The following MACF1 variants were observed in gnomAD, a reference collection of about 807,000 sequenced individuals.
The protein encoded by MACF1 is microtubule actin crosslinking factor 1.
MACF1 carries 193 observed loss-of-function variants against 854.8 expected under a neutral mutation model. The observed-to-expected ratio is 0.23, with a 90% CI of 0.20 to 0.25. MACF1 has a LOEUF of 0.25. MACF1 is among the 10% of genes least tolerant of loss of function. The probability of loss-of-function intolerance (pLI) is 1.00; values close to 1 mark genes in which losing one functional copy is unlikely to be tolerated. For synonymous variants in MACF1, 3,185 were observed against 3,226.7 expected, an observed-to-expected ratio of 0.99 and a Z score of 0.44; for missense variants, 7,722 against 8,929.1, an observed-to-expected ratio of 0.86 and a Z score of 5.45.
chr1:39,255,248 G>C (rs1476320203), intron 5 of MACF1, among the ~76,000 whole-genome samples: 1 of 152,152 alleles, frequency 6.6e-6, no homozygotes, highest in Non-Finnish European at 1.5e-5. Flanking sequence ...TCCAGGGATT[G>C]ATGGATGAGA....
Position 39,358,761 on chromosome 1 carries a change from C to T in MACF1, c.12008C>T (p.Ala4003Val). The change falls in exon 46 of 101, where the codon GCT becomes GTT. Residue 4003 changes from alanine (A) to valine (V), a missense_variant. By Grantham distance (64) the Ala-to-Val change is moderately conservative. This residue lies in a region of MACF1 where 2,807 missense variants were observed against 3,235.8 expected (regional missense o/e 0.87). Coordinates refer to ENST00000564288, the MANE Select transcript of MACF1 (RefSeq NM_001394062.1). ...LGQYHQFQNS[A>V]DSLQAWMQAC... The stretch of plus-strand genomic sequence containing the variant: ...CAGTATCATCAATTCCAAAACAGTG[C>T]TGACAGCCTGCAGGCCTGGATGCAG... 6.2e-7 allele frequency: 1 copy of T among 1,614,074 alleles called. No homozygotes were observed. The highest frequency in any genetic ancestry group is 8.5e-7 in the Non-Finnish European group (1 of 1,179,998).
chr1:39,400,244 T>C (rs763954710), intron 58 of MACF1, among the ~76,000 whole-genome samples: 3 of 152,268 alleles, frequency 2.0e-5, no homozygotes, highest in African/African-American at 4.8e-5. Context: ...ATCCTGGCTC[T>C]ATCATTTACT....
chr1:39,430,510 A>G (rs1047207049), intron 65 of MACF1, among the ~76,000 whole-genome samples, 192 bp from the exon 66 acceptor site: 24 of 152,138 alleles, frequency 1.6e-4, no homozygotes, highest in African/African-American at 5.6e-4. Flanking sequence ...AGGCAGTTCT[A>G]AGCAAGCAAC....
chr1:39,390,402 C>G (rs1164726258), intron 58 of MACF1, among the ~76,000 whole-genome samples: 1 of 152,200 alleles, frequency 6.6e-6, no homozygotes, highest in Non-Finnish European at 1.5e-5. Flanking sequence ...GTGGCTGTTT[C>G]AGAAGGGCCC....
intron 2 of MACF1, among the ~76,000 whole-genome samples, chr1:39,177,793 A>G (rs1232548751): frequency 1.3e-5 from 2 of 152,070 alleles, no homozygotes; most frequent in Non-Finnish European, 2.9e-5. Context: ...TGGGAAAGCC[A>G]TTGCTTTCTG....
intron 23 of MACF1, among the ~76,000 whole-genome samples, chr1:39,308,883 C>A (rs757685435): frequency 1.3e-5 from 2 of 151,820 alleles, no homozygotes; most frequent in Non-Finnish European, 2.9e-5. Flanking sequence ...CTTGAACTCC[C>A]GACCTCAGGT....
intron 6 of MACF1, among the ~76,000 whole-genome samples, chr1:39,268,232 C>T (rs530400679): frequency 6.6e-6 from 1 of 152,230 alleles, no homozygotes; most frequent in African/African-American, 2.4e-5. Flanking sequence ...TCCACGTTAC[C>T]TTCTGCCACG....
intron 2 of MACF1, among the ~76,000 whole-genome samples, chr1:39,165,569 G>A (rs775334666): frequency 6.6e-6 from 1 of 152,160 alleles, no homozygotes; most frequent in East Asian, 1.9e-4. Flanking sequence ...GAGTGAGCCT[G>A]TATAGCTAAC....
intron 14 of MACF1, among the ~76,000 whole-genome samples, chr1:39,286,756 C>G (rs1304727197): frequency 6.6e-6 from 1 of 151,980 alleles, no homozygotes; most frequent in East Asian, 1.9e-4. Context: ...AGACTAGGAC[C>G]CACATCTCTT....
At chr1:39,092,695 A>G (rs1641835385) in intron 2 of MACF1, among the ~76,000 whole-genome samples, 1 of 152,226 alleles carries the variant, frequency 6.6e-6, no homozygotes, top group African/African-American at 2.4e-5. Flanking sequence ...CCCAGAAACA[A>G]GAATGATCAA....
intron 1 of MACF1, among the ~76,000 whole-genome samples, chr1:39,217,287 A>G (rs1262720101): frequency 1.4e-5 from 2 of 138,164 alleles, no homozygotes; most frequent in African/African-American, 5.4e-5. Context: ...ATTTTATTTT[A>G]TTTTAGAGAC....
chr1:39,300,613 T>C (rs1244848931), intron 22 of MACF1, among the ~76,000 whole-genome samples: 3 of 152,170 alleles, frequency 2.0e-5, no homozygotes, highest in African/African-American at 7.2e-5. Context: ...TTGACAGAGA[T>C]GGTACTTTGT....
intron 23 of MACF1, 111 bp from the exon 24 acceptor site, chr1:39,309,459 C>A: frequency 7.7e-7 from 1 of 1,292,746 alleles, no homozygotes; most frequent in Non-Finnish European, 1.1e-6. Flanking sequence ...CCTTTCTCTG[C>A]TCAACATATA....
intron 26 of MACF1, among the ~76,000 whole-genome samples, chr1:39,312,501 C>A (rs1646320310): frequency 6.6e-6 from 1 of 152,098 alleles, no homozygotes; most frequent in Non-Finnish European, 1.5e-5. Flanking sequence ...TCTTACATAA[C>A]CACAGAACAA....
chr1:39,241,398 G>A (rs545842400), intron 2 of MACF1, among the ~76,000 whole-genome samples: 72 of 152,178 alleles, frequency 4.7e-4, no homozygotes, highest in African/African-American at 1.5e-3. Flanking sequence ...GGTGGCTCAC[G>A]CCAGTAATGT....
intron 52 of MACF1, 76 bp downstream of exon 52, chr1:39,372,672 T>A: frequency 1.1e-6 from 1 of 940,214 alleles, no homozygotes; most frequent in Non-Finnish European, 1.7e-6. Context: ...CCTCCTTATA[T>A]AATTAAAGTG....
At chr1:39,245,870 T>C (rs1484663267) in intron 2 of MACF1, among the ~76,000 whole-genome samples, 2 of 152,232 alleles carry the variant, frequency 1.3e-5, no homozygotes, top group African/African-American at 4.8e-5. Context: ...TAATGTCAAG[T>C]ATGTAATATT....
chr1:39,329,315 C>G (rs969395452), intron 36 of MACF1, among the ~76,000 whole-genome samples: 2 of 152,140 alleles, frequency 1.3e-5, no homozygotes, highest in African/African-American at 4.8e-5. Flanking sequence ...ATTCTGTATT[C>G]TTATTGTATG....
chr1:39,245,145 A>G (rs1330033073), intron 2 of MACF1, among the ~76,000 whole-genome samples: 1 of 152,224 alleles, frequency 6.6e-6, no homozygotes, highest in African/African-American at 2.4e-5. Flanking sequence ...CATAACCAGA[A>G]TTTTGAGAAA....
Sources: gnomAD v4.1 joint callset for allele counts (sites outside exome capture counted in the v4.1 genomes callset) on GRCh38, gnomAD v4.1.1 for gene constraint, gnomAD v4.1.1 regional missense constraint, MANE v1.5 for transcripts, NCBI Gene and HGNC (gene_info 2026-07-23, HGNC 2026-07-21) for gene names.